PLD5: variants seen among roughly 807,000 people sequenced by gnomAD.
The protein encoded by PLD5 is inactive phospholipase D5.
PLD5 carries 36 observed loss-of-function variants against 61.1 expected under a neutral mutation model. The ratio of observed to expected loss-of-function variants is 0.59; its 90% CI spans 0.45 to 0.78. The LOEUF (loss-of-function observed/expected upper bound fraction) is 0.78, where lower values mean the gene tolerates loss of function less well. Among genes scored for constraint, PLD5 ranks in the 30% least tolerant of loss-of-function variants. The probability of loss-of-function intolerance (pLI) is 0.00; values close to 1 mark genes in which losing one functional copy is unlikely to be tolerated. For synonymous variants in PLD5, 243 were observed against 242.8 expected, an observed-to-expected ratio of 1.00 and a Z score of -0.01; for missense variants, 515 against 644.4, an observed-to-expected ratio of 0.80 and a Z score of 2.17.
intron 5 of PLD5, among the ~76,000 whole-genome samples, chr1:242,197,870 G>A (rs1476448554): frequency 6.6e-6 from 1 of 152,126 alleles, no homozygotes; most frequent in African/African-American, 2.4e-5. Context: ...CTGACCTCAT[G>A]TGATCTGCCC....
chr1:242,413,315 T>A (rs1451226170), intron 1 of PLD5, among the ~76,000 whole-genome samples: 1 of 152,184 alleles, frequency 6.6e-6, no homozygotes, highest in East Asian at 1.9e-4. Flanking sequence ...CTCTCTTTTT[T>A]TTTTTTCTAC....
intron 3 of PLD5, among the ~76,000 whole-genome samples, chr1:242,285,026 C>A (rs980324094): frequency 1.3e-5 from 2 of 152,182 alleles, no homozygotes; most frequent in Admixed American, 1.3e-4. Flanking sequence ...TCGGCAGGAG[C>A]AGTATGACTC....
intron 4 of PLD5, among the ~76,000 whole-genome samples, chr1:242,230,734 T>TAAC (rs35119153): frequency 0.21 from 31,717 of 152,100 alleles, 3,672 homozygotes; most frequent in East Asian, 0.38. Flanking sequence ...AAAAGAATCT[T>TAAC]AGCACAATGC....
In PLD5 at chr1:242,091,733, A is replaced by G. The variant is rs114930541; in HGVS notation, c.1355-1623T>C. Among the ~76,000 whole-genome samples, 456 of 152,290 alleles carry G rather than the reference A, an allele frequency of 3.0e-3. 4 individuals carry two copies. Among genetic ancestry groups the G allele is most frequent in the African/African-American group, 0.01 (436 of 41,568 alleles). ...GCTTTTACATAGATAAGACTCCTAT[A>G]TAAGAAAAACACACCACATCCCTCC... On this transcript the variant is annotated intron_variant, in intron 9 of 9. Transcript: ENST00000536534.
chr1:242,121,249 A>G (rs887790717), intron 6 of PLD5, among the ~76,000 whole-genome samples: 2 of 152,206 alleles, frequency 1.3e-5, no homozygotes, highest in Non-Finnish European at 2.9e-5. Flanking sequence ...GGGAATACCA[A>G]TGATGAAGAG....
At chr1:242,161,038 T>A (rs1317033320) in intron 5 of PLD5, among the ~76,000 whole-genome samples, 1 of 151,936 alleles carries the variant, frequency 6.6e-6, no homozygotes, top group African/African-American at 2.4e-5. Context: ...TATTTTTAAG[T>A]TGGTACAATA....
chr1:242,193,908 A>C (rs1044855126), intron 5 of PLD5, among the ~76,000 whole-genome samples: 3 of 152,238 alleles, frequency 2.0e-5, no homozygotes, highest in Non-Finnish European at 4.4e-5. Context: ...CAAAGTCTTC[A>C]CTGTCAGAAT....
At position 242,124,654 on chromosome 1, in the gene PLD5, G is replaced by C; in HGVS notation, c.747C>G (p.Leu249=). Residue 249 remains leucine, a synonymous_variant, in exon 6 of 10, where the codon CTC becomes CTG. Coordinates refer to ENST00000536534, the MANE Select transcript of PLD5 (RefSeq NM_001372062.1). The part of the protein sequence containing the change: ...DWQSLGQMKE[L]GVIFYNCSCL... ...AGCTGCAGTTGTAGAAGATGACACC[G>C]AGTTCTTTCATCTGTGAAATTAAAA... is the stretch of plus-strand genomic sequence containing the variant. 1 of 1,612,714 alleles carries C rather than the reference G, an allele frequency of 6.2e-7. No homozygotes were observed. The highest frequency in any genetic ancestry group is 1.1e-5 in the South Asian group (1 of 90,984).
At chr1:242,253,101 C>A (rs1156665113) in intron 4 of PLD5, among the ~76,000 whole-genome samples, 2 of 148,098 alleles carry the variant, frequency 1.4e-5, no homozygotes, top group Non-Finnish European at 3.0e-5. Context: ...AGGCGTGAGC[C>A]ACCGTGTATG....
rs905296263 is a variant in PLD5 at position 242,172,516 on chromosome 1, A to C, written c.735+47472T>G. 3.3e-5 allele frequency among the ~76,000 whole-genome samples: 5 copies of C among 152,314 alleles called. No homozygotes were observed. The Middle Eastern group carries it at 0.01, about 313-fold the overall frequency. On this transcript the variant is annotated intron_variant, in intron 5 of 9. Coordinates refer to ENST00000536534, the MANE Select transcript of PLD5 (RefSeq NM_001372062.1). ...TTCAAAAGCTAGCAGAAGACAAGAA[A>C]TAACTAAGATCAGAGTAGAAGTGAA...
intron 5 of PLD5, among the ~76,000 whole-genome samples, chr1:242,163,127 C>CTTTTT (rs760728142): frequency 1.6e-4 from 19 of 116,402 alleles, no homozygotes; most frequent in East Asian, 1.1e-3. Flanking sequence ...TCCCTCAAGT[C>CTTTTT]TTTTATTTTC....
intron 1 of PLD5, among the ~76,000 whole-genome samples, chr1:242,438,434 TTTTTC>T (rs1666110813): frequency 7.0e-6 from 1 of 142,458 alleles, no homozygotes; most frequent in Non-Finnish European, 1.5e-5. Context: ...TGGCTAATTT[TTTTTC>T]TTTTTTTTTT....
At chr1:242,293,289 A>C (rs1675475155) in intron 2 of PLD5, among the ~76,000 whole-genome samples, 1 of 152,166 alleles carries the variant, frequency 6.6e-6, no homozygotes, top group African/African-American at 2.4e-5. Context: ...GGAGCCAAGG[A>C]AGACCGAGTT....
At chr1:242,310,702 A>G (rs1676648732) in intron 2 of PLD5, among the ~76,000 whole-genome samples, 1 of 152,220 alleles carries the variant, frequency 6.6e-6, no homozygotes, top group Admixed American at 6.5e-5. Context: ...AGAAAATAAC[A>G]GAATTAAGGA....
chr1:242,473,514 G>A (rs12057685), intron 1 of PLD5, among the ~76,000 whole-genome samples: 1 of 152,164 alleles, frequency 6.6e-6, no homozygotes, highest in African/African-American at 2.4e-5. Context: ...AAAATGGTTT[G>A]TATGTCCAGT....
intron 1 of PLD5, among the ~76,000 whole-genome samples, chr1:242,372,294 T>C (rs1661682300): frequency 6.6e-6 from 1 of 152,138 alleles, no homozygotes. Context: ...AAGCCCTGCT[T>C]TGTGGAGCCA....
intron 5 of PLD5, among the ~76,000 whole-genome samples, chr1:242,165,204 G>A (rs1366800429): frequency 6.6e-6 from 1 of 151,904 alleles, no homozygotes. Flanking sequence ...AAACTCAAGT[G>A]ATCAAGGTTT....
intron 6 of PLD5, among the ~76,000 whole-genome samples, chr1:242,120,588 G>A (rs1463301140): frequency 1.3e-5 from 2 of 152,172 alleles, no homozygotes; most frequent in African/African-American, 4.8e-5. Flanking sequence ...GCAGCATCAA[G>A]TTCTATTTAA....
At chr1:242,130,054 CTTT>C (rs561595174) in intron 5 of PLD5, among the ~76,000 whole-genome samples, 3 of 143,056 alleles carry the variant, frequency 2.1e-5, no homozygotes, top group Non-Finnish European at 3.1e-5. Context: ...TGATGAACAT[CTTT>C]TTTTTTTTTT....
Sources: gnomAD v4.1 joint callset for allele counts (sites outside exome capture counted in the v4.1 genomes callset) on GRCh38, gnomAD v4.1.1 for gene constraint, MANE v1.5 for transcripts, NCBI Gene and HGNC (gene_info 2026-07-23, HGNC 2026-07-21) for gene names.